The following NFS1 variants were observed in gnomAD, a reference collection of about 807,000 sequenced individuals.
NFS1 encodes NFS1 cysteine desulfurase.
Under a neutral mutation model 57.3 loss-of-function variants are expected in NFS1, and 26 were observed. The observed-to-expected ratio is 0.45, with a 90% confidence interval of 0.33 to 0.63. NFS1 has a LOEUF of 0.63. NFS1 is among the 20% of genes least tolerant of loss of function. The pLI is 0.02. For synonymous variants in NFS1, 209 were observed against 216.3 expected, an observed-to-expected ratio of 0.97 and a Z score of 0.30; for missense variants, 505 against 605.8, an observed-to-expected ratio of 0.83 and a Z score of 1.75.
In NFS1 at chr20:35,672,845, CT is replaced by C; in HGVS notation, c.1221-2del. On this transcript the variant is annotated splice_acceptor_variant, in intron 11 of 12. Coordinates refer to ENST00000374092, the MANE Select transcript of NFS1 (RefSeq NM_021100.5). LOFTEE classifies it high-confidence loss of function. ...TGTAGTGAAGCGGCCAATTCCAAAC[CT>C]GAAAAAAGGCACAGGAGAATGGCTC... The C allele has an allele frequency of 6.3e-7, 1 of 1,590,136 alleles. No individual in the cohort carries two copies. Among genetic ancestry groups the C allele is most frequent in the African/African-American group, 1.4e-5 (1 of 73,910 alleles).
intron 3 of NFS1, among the ~76,000 whole-genome samples, chr20:35,697,302 T>TA (rs368169006): frequency 0.036 from 4,498 of 125,908 alleles, 125 homozygotes; most frequent in African/African-American, 0.092. Flanking sequence ...CTCCATCTCA[T>TA]AAAAAAAAAA....
At chr20:35,681,445 C>T (rs913582135) in intron 6 of NFS1, among the ~76,000 whole-genome samples, 2 of 152,206 alleles carry the variant, frequency 1.3e-5, no homozygotes, top group Non-Finnish European at 2.9e-5. Context: ...CGCCTGTAAT[C>T]CCAGCACTTT....
intron 5 of NFS1, among the ~76,000 whole-genome samples, chr20:35,689,647 G>A (rs749160029): frequency 3.9e-5 from 6 of 152,004 alleles, no homozygotes; most frequent in African/African-American, 1.2e-4. Flanking sequence ...GTGCATGCCT[G>A]TAATCCCAGC....
At chr20:35,694,108 T>G (rs1447174075) in intron 4 of NFS1, among the ~76,000 whole-genome samples, 1 of 151,776 alleles carries the variant, frequency 6.6e-6, no homozygotes, top group East Asian at 1.9e-4. Flanking sequence ...ATTGTGCAAC[T>G]GCACCCCAGC....
intron 7 of NFS1, 51 bp downstream of exon 7, chr20:35,680,686 A>G (rs987466054): frequency 2.8e-6 from 4 of 1,405,072 alleles, no homozygotes; most frequent in Non-Finnish European, 3.7e-6. Flanking sequence ...ACATCTATCA[A>G]AGGTCTTGCT....
rs1169966839 is a variant in NFS1 at position 35,690,519 on chromosome 20, G to A, written c.455C>T (p.Thr152Ile). 3 of 1,613,980 alleles carry A rather than the reference G, an allele frequency of 1.9e-6. No homozygotes were observed. The highest frequency in any genetic ancestry group is 2.5e-6 in the Non-Finnish European group (3 of 1,180,026). The change falls in exon 5 of 13, where the codon ACC (threonine) becomes ATC (isoleucine). Residue 152 changes from threonine (T) to isoleucine (I), a missense_variant. By Grantham distance (89) the Thr-to-Ile change is moderately conservative. Coordinates refer to ENST00000374092, the MANE Select transcript of NFS1 (RefSeq NM_021100.5). ...YRSRKKHLIT[T>I]QTEHKCVLDS... ...CAAGACACATTTGTGTTCTGTCTGGGTGGTGATCAAGTGCTTTTTCCGTGA... is the reference window on the plus strand; with the variant it reads ...CAAGACACATTTGTGTTCTGTCTGGATGGTGATCAAGTGCTTTTTCCGTGA...
intron 10 of NFS1, 87 bp downstream of exon 10, chr20:35,674,263 T>C (rs1487621777): frequency 1.4e-5 from 15 of 1,060,426 alleles, no homozygotes; most frequent in Non-Finnish European, 7.3e-6. Flanking sequence ...GTCTTGTGCC[T>C]ATCATCTCCA....
intron 11 of NFS1, 73 bp downstream of exon 11, chr20:35,673,528 G>GA (rs2034691566): frequency 1.3e-5 from 18 of 1,366,988 alleles, no homozygotes; most frequent in Non-Finnish European, 1.8e-5. Flanking sequence ...GGTGGAAAAA[G>GA]AAAAAAACTG....
Position 35,699,167 on chromosome 20 carries a change from C to G in NFS1, c.97+25G>C. ...GCGCGGAGGGGACAGGTCCGCGCCT[C>G]CCGGAGAGCGGGACCCGAGCGTACC... On this transcript the variant is annotated intron_variant, in intron 1 of 12. Transcript: ENST00000374092. This position sits in a 1 kb window ranked among gnomAD's most constrained non-coding sequence, Gnocchi z 4.4. The G allele has an allele frequency of 7.2e-7, 1 of 1,389,092 alleles. No individual in the cohort carries two copies. Among genetic ancestry groups the G allele is most frequent in the Non-Finnish European group, 9.3e-7 (1 of 1,080,962 alleles). 86.0% of individuals were successfully genotyped at this position (1,389,092 alleles called of 1,614,324 possible).
intron 4 of NFS1, among the ~76,000 whole-genome samples, chr20:35,692,527 T>TG: frequency 2.3e-5 from 1 of 42,746 alleles, no homozygotes; most frequent in East Asian, 8.3e-4. Context: ...TCATCTATAC[T>TG]AAAAAAAAAA....
Position 35,698,537 on chromosome 20 carries a change from C to T in NFS1, c.151G>A (p.Glu51Lys), listed in dbSNP as rs528945969. ...AVPADTAAAP[E>K]VGPVLRPLYM... is the part of the protein sequence containing the mutation. ...AGAGGTCGCAGCACTGGCCCCACCT[C>T]CGGGGCAGCGGCTGTATCTGCGGGA... Residue 51 changes from glutamate (E) to lysine (K), a missense_variant, in exon 2 of 13, where the codon GAG (glutamate) becomes AAG (lysine). Physicochemically the swap from Glu to Lys is moderately conservative, Grantham distance 56 (BLOSUM62 1). Transcript: ENST00000374092. 6.2e-7 allele frequency: 1 copy of T among 1,613,900 alleles called. No individual in the cohort carries two copies. Among genetic ancestry groups the T allele is most frequent in the Admixed American group, 1.7e-5 (1 of 59,958 alleles).
In NFS1 at chr20:35,685,783, G is replaced by A. The variant is rs752870058; in HGVS notation, c.562-3802C>T. Among the ~76,000 whole-genome samples, 32 of 137,950 alleles carry A rather than the reference G, an allele frequency of 2.3e-4. 1 individual carries two copies. The highest frequency in any genetic ancestry group is 1.1e-3 in the Admixed American group (16 of 13,960). 90.5% of individuals were successfully genotyped at this position (137,950 alleles called of 152,430 possible). A position where few individuals can be genotyped will look rare whatever the true frequency, so the allele number is the denominator to read the frequency against. On this transcript the variant is annotated intron_variant, in intron 5 of 12. Coordinates refer to ENST00000374092, the MANE Select transcript of NFS1 (RefSeq NM_021100.5). Reference sequence around the variant, plus strand: ...TAAGTCAGGAGAATTGCTTGAACCCGGGAGGCGGAGGTTGCGATGAGCTGA... The same window carrying A: ...TAAGTCAGGAGAATTGCTTGAACCCAGGAGGCGGAGGTTGCGATGAGCTGA...
At chr20:35,678,227 C>T (rs540446206) in intron 7 of NFS1, among the ~76,000 whole-genome samples, 4 of 151,988 alleles carry the variant, frequency 2.6e-5, no homozygotes, top group South Asian at 2.1e-4. Flanking sequence ...TGGTGGCAAG[C>T]GCCTGTAGTC....
At chr20:35,687,754 A>G (rs2034972027) in intron 5 of NFS1, among the ~76,000 whole-genome samples, 1 of 152,226 alleles carries the variant, frequency 6.6e-6, no homozygotes, top group Non-Finnish European at 1.5e-5. Context: ...TTCAGGCAAC[A>G]GAGATTAAAG....
chr20:35,680,607 C>G, intron 7 of NFS1, 130 bp downstream of exon 7: 1 of 708,566 alleles, frequency 1.4e-6, no homozygotes, highest in South Asian at 4.7e-5. Context: ...ATGACATTTG[C>G]ATTCTACAAG....
At chr20:35,696,549 A>G (rs1324697720) in intron 3 of NFS1, 89 bp from the exon 4 acceptor site, 9 of 916,650 alleles carry the variant, frequency 9.8e-6, no homozygotes, top group Non-Finnish European at 1.6e-5. Context: ...TGGAGCAAGA[A>G]GAGCTCCACT....
intron 4 of NFS1, 83 bp from the exon 5 acceptor site, chr20:35,690,648 G>A: frequency 1.4e-6 from 2 of 1,418,706 alleles, no homozygotes; most frequent in East Asian, 2.3e-5. Flanking sequence ...AAGGAAAAGT[G>A]GGCAAGAACA....
chr20:35,699,144 G>A lies in NFS1; in HGVS notation c.97+48C>T. On this transcript the variant is annotated intron_variant, in intron 1 of 12. Transcript: ENST00000374092. The surrounding 1 kb of genome is among the most constrained non-coding windows in gnomAD (Gnocchi z 4.4). ...CCGGAATATTCAGTTGCGTCGCCGC[G>A]CGGAGGGGACAGGTCCGCGCCTCCC... 7.3e-7 allele frequency: 1 copy of A among 1,374,014 alleles called. No homozygotes were observed. The highest frequency in any genetic ancestry group is 1.5e-5 in the African/African-American group (1 of 65,192). 85.1% of individuals were successfully genotyped at this position (1,374,014 alleles called of 1,614,324 possible).
At chr20:35,684,821 T>C (rs562465059) in intron 5 of NFS1, among the ~76,000 whole-genome samples, 1 of 151,984 alleles carries the variant, frequency 6.6e-6, no homozygotes, top group Non-Finnish European at 1.5e-5. Flanking sequence ...CCTAGCACTT[T>C]GGGAGGCTGA....
Sources: allele counts gnomAD v4.1 joint callset (sites outside exome capture counted in the v4.1 genomes callset), GRCh38; gene constraint gnomAD v4.1.1; non-coding constraint Gnocchi (gnomAD v3.1); transcripts MANE v1.5; gene names NCBI Gene and HGNC (gene_info 2026-07-23, HGNC 2026-07-21).